NMNAT1: variants seen among roughly 807,000 people sequenced by gnomAD.
NMNAT1 encodes nicotinamide/nicotinic acid mononucleotide adenylyltransferase 1.
NMNAT1 carries 11 observed loss-of-function variants against 16.7 expected under a neutral mutation model. The observed-to-expected ratio is 0.66, with a 90% confidence interval of 0.41 to 1.09. The LOEUF (loss-of-function observed/expected upper bound fraction) is 1.09, where lower values mean the gene tolerates loss of function less well. NMNAT1 is among the 50% of genes least tolerant of loss of function. The probability of loss-of-function intolerance (pLI) is 0.00; values close to 1 mark genes in which losing one functional copy is unlikely to be tolerated. For synonymous variants in NMNAT1, 110 were observed against 119.8 expected, an observed-to-expected ratio of 0.92 and a Z score of 0.53; for missense variants, 280 against 332.3, an observed-to-expected ratio of 0.84 and a Z score of 1.22.
At chr1:9,952,661 C>T (rs959461421) in intron 1 of NMNAT1, among the ~76,000 whole-genome samples, 3 of 152,026 alleles carry the variant, frequency 2.0e-5, no homozygotes, top group Non-Finnish European at 4.4e-5. Flanking sequence ...CCTCAGCCTC[C>T]CTAGTAGGTG....
intron 1 of NMNAT1, among the ~76,000 whole-genome samples, chr1:9,968,887 C>A (rs1641624733): frequency 6.9e-6 from 1 of 145,570 alleles, no homozygotes; most frequent in African/African-American, 2.6e-5. Context: ...TTGCAGTGAG[C>A]TGAGATCGTA....
intron 1 of NMNAT1, among the ~76,000 whole-genome samples, chr1:9,962,685 T>G (rs1414288712): frequency 4.6e-5 from 6 of 129,936 alleles, no homozygotes; most frequent in Non-Finnish European, 6.6e-5. Context: ...GGGTTTTTTT[T>G]TTTTTTTTTT....
chr1:9,958,873 C>A (rs892797588), intron 1 of NMNAT1, among the ~76,000 whole-genome samples: 1 of 152,116 alleles, frequency 6.6e-6, no homozygotes, highest in African/African-American at 2.4e-5. Context: ...AAACATTTTA[C>A]ATGCATTATC....
In NMNAT1 at chr1:9,968,080, G is replaced by GTTTTTTTT. The variant is rs6143117; in HGVS notation, c.-56-3936_-56-3929dup. Among the ~76,000 whole-genome samples, 6 of 117,772 alleles carry GTTTTTTTT rather than the reference G, an allele frequency of 5.1e-5. 2 individuals carry two copies. Among genetic ancestry groups the GTTTTTTTT allele is most frequent in the Non-Finnish European group, 5.1e-5 (3 of 58,776 alleles). The allele number at this position is 117,772 out of a possible 152,430, so 77.3% of individuals were successfully genotyped here. A position where few individuals can be genotyped will look rare whatever the true frequency, so the allele number is the denominator to read the frequency against. On this transcript the variant is annotated intron_variant, in intron 1 of 4. Coordinates refer to ENST00000377205, the MANE Select transcript of NMNAT1 (RefSeq NM_022787.4). ...TTTGCCAAATGTAGTTTTTTTTTTT[G>GTTTTTTTT]TTTTTTTTTGAGATGGAGTCTCGCT...
chr1:9,958,451 T>G (rs1239827562), intron 1 of NMNAT1, among the ~76,000 whole-genome samples: 1 of 151,662 alleles, frequency 6.6e-6, no homozygotes, highest in Non-Finnish European at 1.5e-5. Flanking sequence ...TTGTTTTTTT[T>G]TTTTTTGAGA....
chr1:9,962,883 G>A (rs1308255187), intron 1 of NMNAT1, among the ~76,000 whole-genome samples: 1 of 151,868 alleles, frequency 6.6e-6, no homozygotes, highest in Admixed American at 6.6e-5. Flanking sequence ...GGGTTTCACC[G>A]TTTTAGCCAG....
At chr1:9,970,820 G>A (rs1209251046) in intron 1 of NMNAT1, among the ~76,000 whole-genome samples, 1 of 152,144 alleles carries the variant, frequency 6.6e-6, no homozygotes, top group Non-Finnish European at 1.5e-5. Context: ...CTATTATTTA[G>A]TGGAAAGTTA....
At chr1:9,968,081 T>TTTTTTTTTTTG (rs1378331933) in intron 1 of NMNAT1, among the ~76,000 whole-genome samples, 2,212 of 47,740 alleles carry the variant, frequency 0.046, 154 homozygotes, top group Non-Finnish European at 0.14. Context: ...TTTTTTTTTG[T>TTTTTTTTTTTG]TTTTTTTTGA....
rs1013046271 is a variant in NMNAT1 at position 9,985,293 on chromosome 1, C to T, written c.*2592C>T. 9.9e-5 allele frequency: 15 copies of T among 152,220 alleles called. No homozygotes were observed. The highest frequency in any genetic ancestry group is 3.4e-3 in the Middle Eastern group (1 of 294). 9.4% of individuals were successfully genotyped at this position (152,220 alleles called of 1,614,324 possible). On this transcript the variant is annotated 3_prime_UTR_variant, in exon 5 of 5. Coordinates refer to ENST00000377205, the MANE Select transcript of NMNAT1 (RefSeq NM_022787.4). ...ACTTACTGTGTGCTTGGCTTGTGCT[C>T]CTGAGTGCCTTATATCATAAGGAAA... is the stretch of plus-strand genomic sequence containing the variant.
At chr1:9,953,207 C>A (rs566095574) in intron 1 of NMNAT1, among the ~76,000 whole-genome samples, 2 of 151,538 alleles carry the variant, frequency 1.3e-5, no homozygotes, top group African/African-American at 4.8e-5. Context: ...TGGTCTCGAT[C>A]TCCTGTCCTT....
At chr1:9,977,974 C>CA (rs1427912092) in intron 3 of NMNAT1, among the ~76,000 whole-genome samples, 2 of 152,202 alleles carry the variant, frequency 1.3e-5, no homozygotes, top group Non-Finnish European at 2.9e-5. Flanking sequence ...TGAACTGTCT[C>CA]AGTCTCCTGA....
In NMNAT1 at chr1:9,978,459, G is replaced by A. The variant is rs556114126; in HGVS notation, c.300-2572G>A. ...GGAGAGAATCTCATTAGCAGAAATC[G>A]CAGTCAAGTCCACAGCCTGCTGCAA... is the stretch of plus-strand genomic sequence containing the variant. On this transcript the variant is annotated intron_variant, in intron 3 of 4. Coordinates refer to ENST00000377205, the MANE Select transcript of NMNAT1 (RefSeq NM_022787.4). 9.1e-4 allele frequency among the ~76,000 whole-genome samples: 138 copies of A among 152,286 alleles called. 1 individual carries two copies. Among genetic ancestry groups the A allele is most frequent in the African/African-American group, 3.1e-3 (130 of 41,550 alleles).
intron 1 of NMNAT1, among the ~76,000 whole-genome samples, chr1:9,959,582 G>A (rs1290451697): frequency 6.6e-6 from 1 of 152,086 alleles, no homozygotes; most frequent in Non-Finnish European, 1.5e-5. Context: ...TCAGGAGGCT[G>A]AGGCAGGAGA....
intron 1 of NMNAT1, among the ~76,000 whole-genome samples, chr1:9,957,382 G>A (rs1320717665): frequency 2.7e-5 from 4 of 146,008 alleles, no homozygotes; most frequent in East Asian, 2.1e-4. Flanking sequence ...TTGCAGTGCC[G>A]CGATCTTGGC....
chr1:9,964,020 T>C (rs1415923244), intron 1 of NMNAT1, among the ~76,000 whole-genome samples: 1 of 151,666 alleles, frequency 6.6e-6, no homozygotes, highest in African/African-American at 2.4e-5. Flanking sequence ...GCCTCCCAAG[T>C]AGCTGGGATT....
At chr1:9,995,490 C>G in the NMNAT1 span, among the ~76,000 whole-genome samples, 1 of 151,160 alleles carries the variant, frequency 6.6e-6, no homozygotes, top group East Asian at 2.0e-4. Context: ...GTTGGGAGTT[C>G]GAGACCTACC....
At chr1:9,993,302 A>C in the NMNAT1 span, among the ~76,000 whole-genome samples, 1 of 152,020 alleles carries the variant, frequency 6.6e-6, no homozygotes, top group East Asian at 1.9e-4. Flanking sequence ...GATACGGTGA[A>C]ACCTCATCAC....
intron 1 of NMNAT1, among the ~76,000 whole-genome samples, chr1:9,956,731 CTTTTTTTTTT>C: frequency 8.4e-6 from 1 of 119,388 alleles, no homozygotes; most frequent in South Asian, 2.7e-4. Flanking sequence ...CCTTGTTTAC[CTTTTTTTTTT>C]TTTTTTTTGA....
chr1:9,945,207 C>G (rs2101629666), intron 1 of NMNAT1, among the ~76,000 whole-genome samples: 1 of 152,018 alleles, frequency 6.6e-6, no homozygotes, highest in South Asian at 2.1e-4. Context: ...GCACTGCAGC[C>G]TGGGTGACAG....
Sources: allele counts gnomAD v4.1 joint callset (sites outside exome capture counted in the v4.1 genomes callset), GRCh38; gene constraint gnomAD v4.1.1; transcripts MANE v1.5; gene names NCBI Gene and HGNC (gene_info 2026-07-23, HGNC 2026-07-21).